GDPD5: variants seen among roughly 807,000 people sequenced by gnomAD.
GDPD5 encodes the protein glycerophosphodiester phosphodiesterase 2.
GDPD5 carries 48 observed loss-of-function variants against 75.1 expected under a neutral mutation model. That is an observed-to-expected ratio of 0.64 (90% CI 0.51 to 0.81). GDPD5 has a LOEUF of 0.81. GDPD5 is among the 40% of genes least tolerant of loss of function. The probability of loss-of-function intolerance (pLI) is 0.00; values close to 1 mark genes in which losing one functional copy is unlikely to be tolerated. For missense variants in GDPD5, 706 were observed against 822.6 expected (o/e 0.86, Z 1.73); for synonymous variants, 336 against 339.0 (o/e 0.99, Z 0.10).
At chr11:75,470,490 C>T (rs1050482185) in intron 3 of GDPD5, among the ~76,000 whole-genome samples, 4 of 152,196 alleles carry the variant, frequency 2.6e-5, no homozygotes, top group East Asian at 1.9e-4. Context: ...CACGATTTCT[C>T]GGCTTCATTG....
intron 1 of GDPD5, among the ~76,000 whole-genome samples, chr11:75,509,377 C>T (rs1012708018): frequency 3.3e-5 from 5 of 152,170 alleles, no homozygotes; most frequent in Middle Eastern, 3.2e-3. Context: ...GTACATAATT[C>T]AGAGGCTCCT....
chr11:75,461,440 TAA>T (rs1461523088), intron 4 of GDPD5, among the ~76,000 whole-genome samples: 3 of 152,188 alleles, frequency 2.0e-5, no homozygotes, highest in African/African-American at 7.2e-5. Context: ...TGCTCATTAA[TAA>T]GAGAGGCACA....
At chr11:75,501,427 C>T (rs1453727419) in intron 1 of GDPD5, among the ~76,000 whole-genome samples, 2 of 152,206 alleles carry the variant, frequency 1.3e-5, no homozygotes, top group African/African-American at 2.4e-5. Flanking sequence ...GGCACACTGG[C>T]GCAAGCATAC....
intron 1 of GDPD5, among the ~76,000 whole-genome samples, chr11:75,520,135 C>G (rs1950726029): frequency 6.6e-6 from 1 of 152,244 alleles, no homozygotes; most frequent in Non-Finnish European, 1.5e-5. Flanking sequence ...CAAACCCCAG[C>G]TAAGTCCCCC....
At chr11:75,495,189 C>T (rs1261063074) in intron 1 of GDPD5, among the ~76,000 whole-genome samples, 11 of 151,852 alleles carry the variant, frequency 7.2e-5, no homozygotes, top group South Asian at 2.1e-4. Flanking sequence ...GTCGCTTGAA[C>T]CCGGAAGGTA....
intron 2 of GDPD5, among the ~76,000 whole-genome samples, chr11:75,485,969 C>T (rs1389788918): frequency 2.0e-5 from 3 of 152,174 alleles, no homozygotes; most frequent in Admixed American, 6.5e-5. Flanking sequence ...GCTGCCCTCG[C>T]GGGGCCTCAA....
intron 10 of GDPD5, among the ~76,000 whole-genome samples, chr11:75,443,965 CCTT>C (rs1368569143): frequency 2.0e-5 from 3 of 152,128 alleles, no homozygotes; most frequent in African/African-American, 7.2e-5. Context: ...ACAGTTCTGC[CCTT>C]CTTCCCTTCT....
At chr11:75,491,105 T>C (rs574874109) in intron 1 of GDPD5, among the ~76,000 whole-genome samples, 1 of 152,278 alleles carries the variant, frequency 6.6e-6, no homozygotes, top group East Asian at 1.9e-4. Context: ...CCAACCCAAC[T>C]GGATTCTAGA....
Position 75,435,456 on chromosome 11 carries a change from T to C in GDPD5, c.*51A>G. 2.7e-6 allele frequency: 4 copies of C among 1,504,246 alleles called. No homozygotes were observed. Among genetic ancestry groups the C allele is most frequent in the Non-Finnish European group, 3.6e-6 (4 of 1,121,122 alleles). The allele number at this position is 1,504,246 out of a possible 1,614,324, so 93.2% of individuals were successfully genotyped here. A position where few individuals can be genotyped will look rare whatever the true frequency, so the allele number is the denominator to read the frequency against. ...TCAGACACACTTCCACCAGCTCTCC[T>C]AGGCTCCCCAGCTTCTGTGTCAGGT... On this transcript the variant is annotated 3_prime_UTR_variant, in exon 17 of 17. Coordinates refer to ENST00000336898, the MANE Select transcript of GDPD5 (RefSeq NM_030792.8).
At chr11:75,472,949 G>C (rs953887201) in intron 3 of GDPD5, among the ~76,000 whole-genome samples, 1 of 152,056 alleles carries the variant, frequency 6.6e-6, no homozygotes, top group Non-Finnish European at 1.5e-5. Flanking sequence ...TTTTTTGGCA[G>C]AAGTTGGGGG....
intron 3 of GDPD5, among the ~76,000 whole-genome samples, chr11:75,464,748 C>T (rs1475247050): frequency 2.0e-5 from 3 of 152,164 alleles, no homozygotes; most frequent in Admixed American, 6.5e-5. Flanking sequence ...CAGCTGGACA[C>T]AGAATGGCAC....
intron 4 of GDPD5, among the ~76,000 whole-genome samples, chr11:75,460,214 C>T (rs542212979): frequency 3.9e-5 from 6 of 152,340 alleles, no homozygotes; most frequent in Admixed American, 3.3e-4. Flanking sequence ...ACAGCCAAGA[C>T]GGCCCTCCCT....
At chr11:75,488,950 C>A (rs1950061462) in intron 2 of GDPD5, among the ~76,000 whole-genome samples, 1 of 152,160 alleles carries the variant, frequency 6.6e-6, no homozygotes, top group African/African-American at 2.4e-5. Context: ...CAGGCCCTGT[C>A]CTTGCTAGAA....
chr11:75,461,475 G>A (rs1440123137), intron 4 of GDPD5, among the ~76,000 whole-genome samples: 1 of 152,200 alleles, frequency 6.6e-6, no homozygotes, highest in Admixed American at 6.5e-5. Flanking sequence ...ACGGGGAAAA[G>A]TGGACACCCA....
intron 3 of GDPD5, 140 bp from the exon 4 acceptor site, chr11:75,463,029 G>C (rs1949447212): frequency 3.0e-6 from 2 of 665,272 alleles, no homozygotes; most frequent in Non-Finnish European, 5.2e-6. Context: ...TACCCTGGGA[G>C]AAACTGAGGT....
intron 4 of GDPD5, among the ~76,000 whole-genome samples, chr11:75,458,169 G>A (rs1454617450): frequency 2.0e-5 from 3 of 152,328 alleles, no homozygotes; most frequent in African/African-American, 7.2e-5. Context: ...AGGCACACAG[G>A]CTGGATTCAC....
chr11:75,484,516 A>G (rs1227701588), intron 2 of GDPD5, among the ~76,000 whole-genome samples: 4 of 152,058 alleles, frequency 2.6e-5, no homozygotes, highest in African/African-American at 9.7e-5. Context: ...GCAATCCCAA[A>G]CCTTGATTGG....
rs959235333 is a variant in GDPD5, at chr11:75,525,662, C to A, written c.-597G>T. 3.3e-5 allele frequency: 5 copies of A among 151,304 alleles called. No individual in the cohort carries two copies. Among genetic ancestry groups the A allele is most frequent in the Non-Finnish European group, 5.9e-5 (4 of 67,768 alleles). 9.4% of individuals were successfully genotyped at this position (151,304 alleles called of 1,614,324 possible). A position where few individuals can be genotyped will look rare whatever the true frequency, so the allele number is the denominator to read the frequency against. ...CGGGGCTCCGCGCGTCCCGGCCGCA[C>A]GCCCCGAACCGCGGGGCTGGGACGG... On this transcript the variant is annotated 5_prime_UTR_variant, in exon 1 of 17. Transcript: ENST00000336898.
intron 3 of GDPD5, among the ~76,000 whole-genome samples, chr11:75,476,203 C>T (rs765397215): frequency 2.2e-4 from 34 of 152,062 alleles, no homozygotes; most frequent in Non-Finnish European, 2.9e-4. Flanking sequence ...AGAGTGGTCA[C>T]GGGATTCTGA....
Sources: allele counts gnomAD v4.1 joint callset (sites outside exome capture counted in the v4.1 genomes callset), GRCh38; gene constraint gnomAD v4.1.1; transcripts MANE v1.5; gene names NCBI Gene and HGNC (gene_info 2026-07-23, HGNC 2026-07-21).